EPHB1: variants seen among roughly 807,000 people sequenced by gnomAD.
EPHB1 encodes EPH receptor B1.
A neutral mutation model predicts 94.4 loss-of-function variants in EPHB1; 30 were observed. That is an observed-to-expected ratio of 0.32 (90% CI 0.24 to 0.43). The LOEUF (loss-of-function observed/expected upper bound fraction) is 0.43. Ranked by LOEUF, EPHB1 falls within the 20% of genes least tolerant of loss-of-function variation. The pLI is 1.00. For synonymous variants in EPHB1, 522 were observed against 489.1 expected (o/e 1.07, Z -0.89); for missense variants, 1,055 against 1,308.3 (o/e 0.81, Z 2.99).
chr3:134,859,603 C>T (rs1384838124), intron 1 of EPHB1, among the ~76,000 whole-genome samples: 2 of 152,208 alleles, frequency 1.3e-5, no homozygotes, highest in East Asian at 3.9e-4. Context: ...CACAGGGCTT[C>T]ATAGCATCTT....
At chr3:135,027,600 T>C (rs1355618411) in intron 3 of EPHB1, among the ~76,000 whole-genome samples, 1 of 151,488 alleles carries the variant, frequency 6.6e-6, no homozygotes, top group Non-Finnish European at 1.5e-5. Context: ...TTTGATGTGC[T>C]GCTGGATTCG....
Position 135,036,379 on chromosome 3 carries a change from A to T in EPHB1, c.806-70069A>T, listed in dbSNP as rs577906433. Among the ~76,000 whole-genome samples, 391 of 152,232 alleles carry T rather than the reference A, an allele frequency of 2.6e-3. 1 individual carries two copies. The highest frequency in any genetic ancestry group is 4.5e-3 in the Non-Finnish European group (309 of 68,008). On this transcript the variant is annotated intron_variant, in intron 3 of 15. Coordinates refer to ENST00000398015, the MANE Select transcript of EPHB1 (RefSeq NM_004441.5). ...GGTGGAATTGGCATATACCCATCCA[A>T]ACCGGTCAGGATGGAGGAGGCAGGC...
chr3:135,166,159 T>C, intron 8 of EPHB1, 83 bp downstream of exon 8: 1 of 1,000,350 alleles, frequency 1.0e-6, no homozygotes. Flanking sequence ...GTGGATCAGA[T>C]AGGGTGTGAC....
At chr3:135,234,225 C>T (rs540730687) in intron 12 of EPHB1, among the ~76,000 whole-genome samples, 14 of 152,320 alleles carry the variant, frequency 9.2e-5, no homozygotes, top group Admixed American at 3.3e-4. Context: ...TAATCTCTCT[C>T]AAGTTCAAAT....
chr3:135,258,630 G>C (rs1172099278), intron 15 of EPHB1, among the ~76,000 whole-genome samples: 1 of 152,124 alleles, frequency 6.6e-6, no homozygotes, highest in Non-Finnish European at 1.5e-5. Flanking sequence ...CACTAATTTA[G>C]GCAGAAAACT....
intron 1 of EPHB1, among the ~76,000 whole-genome samples, chr3:134,866,702 C>T (rs1234536973): frequency 6.6e-6 from 1 of 152,244 alleles, no homozygotes; most frequent in Non-Finnish European, 1.5e-5. Context: ...CATGCAGCAA[C>T]ATTTACCAAG....
At chr3:134,877,755 T>C (rs529303047) in intron 1 of EPHB1, among the ~76,000 whole-genome samples, 1 of 152,296 alleles carries the variant, frequency 6.6e-6, no homozygotes, top group East Asian at 1.9e-4. Context: ...CTGGGGGCTG[T>C]GTGTTACCTG....
intron 3 of EPHB1, among the ~76,000 whole-genome samples, chr3:134,986,047 A>G (rs903216614): frequency 1.3e-5 from 2 of 152,316 alleles, no homozygotes; most frequent in Middle Eastern, 3.4e-3. Flanking sequence ...TAACTTGGGA[A>G]TGAAACACAA....
chr3:134,811,513 A>T (rs1035353559), intron 1 of EPHB1, among the ~76,000 whole-genome samples: 3 of 151,858 alleles, frequency 2.0e-5, no homozygotes, highest in African/African-American at 7.3e-5. Flanking sequence ...TGCTGGGATT[A>T]CAGGCATAAG....
At chr3:135,209,093 A>T (rs1385489033) in intron 12 of EPHB1, among the ~76,000 whole-genome samples, 4 of 152,234 alleles carry the variant, frequency 2.6e-5, no homozygotes, top group Non-Finnish European at 5.9e-5. Context: ...TCTACTGAAT[A>T]AGATGGGGGC....
intron 5 of EPHB1, among the ~76,000 whole-genome samples, chr3:135,141,343 T>C (rs1940820585): frequency 6.6e-6 from 1 of 152,030 alleles, no homozygotes; most frequent in African/African-American, 2.4e-5. Context: ...GCATTTGTTG[T>C]TTATGTGCTT....
rs1318303622 is a variant in EPHB1 at position 134,843,341 on chromosome 3, A to G, written c.58+47652A>G. On this transcript the variant is annotated intron_variant, in intron 1 of 15. Coordinates refer to ENST00000398015, the MANE Select transcript of EPHB1 (RefSeq NM_004441.5). ...TGTCTTTGTCTTTAAACATTTGACT[A>G]TGATGTATCTAGTTGGGAATCTCCT... Among the ~76,000 whole-genome samples the G allele has an allele frequency of 3.3e-5, 5 of 152,188 alleles. No individual in the cohort carries two copies. The East Asian group carries it at 7.7e-4, about 23-fold the overall frequency.
rs767609694 is a variant in EPHB1 at position 134,925,809 on chromosome 3, T to C, written c.59-7T>C. ...TTGTTTATTCGTTTTTTCTTTTTAA[T>C]CTACAGAAACGTTAATGGACACCAG... On this transcript the variant is annotated splice_polypyrimidine_tract_variant and splice_region_variant and intron_variant, in intron 1 of 15. Coordinates refer to ENST00000398015, the MANE Select transcript of EPHB1 (RefSeq NM_004441.5). 1.9e-6 allele frequency: 3 copies of C among 1,584,512 alleles called. No individual in the cohort carries two copies. The highest frequency in any genetic ancestry group is 2.3e-5 in the East Asian group (1 of 43,640).
chr3:135,003,677 C>A (rs1357414858), intron 3 of EPHB1, among the ~76,000 whole-genome samples: 6 of 152,104 alleles, frequency 3.9e-5, no homozygotes, highest in Admixed American at 6.5e-5. Flanking sequence ...GGATAGTTAG[C>A]TCTTCTTGCT....
At chr3:134,830,033 T>G (rs138925034) in intron 1 of EPHB1, among the ~76,000 whole-genome samples, 1 of 152,224 alleles carries the variant, frequency 6.6e-6, no homozygotes, top group Non-Finnish European at 1.5e-5. Flanking sequence ...AAGTCTCTGT[T>G]GTGAAAGTCA....
chr3:135,180,524 T>A (rs1471679107), intron 10 of EPHB1, among the ~76,000 whole-genome samples: 1 of 152,184 alleles, frequency 6.6e-6, no homozygotes, highest in Non-Finnish European at 1.5e-5. Context: ...TTACAAAAAA[T>A]CTATGGTACA....
At chr3:134,918,081 T>C (rs1257506655) in intron 1 of EPHB1, among the ~76,000 whole-genome samples, 2 of 152,252 alleles carry the variant, frequency 1.3e-5, no homozygotes, top group Non-Finnish European at 2.9e-5. Flanking sequence ...CTGACCAAGC[T>C]CTGTGGGACA....
Position 135,121,180 on chromosome 3 carries a change from C to T in EPHB1, c.962-11534C>T, listed in dbSNP as rs1314914977. ...ACTCCTGAGAGTGGCTTGCGAGGAG[C>T]TGAGATCCTTTACCTGCAAGGCTTT... is the stretch of plus-strand genomic sequence containing the variant. On this transcript the variant is annotated intron_variant, in intron 4 of 15. Transcript: ENST00000398015. Among the ~76,000 whole-genome samples the T allele has an allele frequency of 2.0e-5, 3 of 152,192 alleles. No homozygotes were observed. The East Asian group carries it at 5.8e-4, about 29-fold the overall frequency.
chr3:135,194,178 A>G (rs539184445), intron 11 of EPHB1, among the ~76,000 whole-genome samples: 4 of 152,322 alleles, frequency 2.6e-5, no homozygotes, highest in Middle Eastern at 3.4e-3. Flanking sequence ...CAGGCCCCAC[A>G]TTTTGATGAA....
Sources: gnomAD v4.1 joint callset for allele counts (sites outside exome capture counted in the v4.1 genomes callset) on GRCh38, gnomAD v4.1.1 for gene constraint, MANE v1.5 for transcripts, NCBI Gene and HGNC (gene_info 2026-07-23, HGNC 2026-07-21) for gene names.